IDE: variants seen among roughly 807,000 people sequenced by gnomAD.
IDE encodes the protein insulin degrading enzyme, also known as insulin-degrading enzyme.
Under a neutral mutation model 133.2 loss-of-function variants are expected in IDE, and 58 were observed. The ratio of observed to expected loss-of-function variants is 0.44; its 90% confidence interval spans 0.35 to 0.54. The LOEUF is 0.54. Ranked by LOEUF, IDE falls within the 20% of genes least tolerant of loss-of-function variation. The probability of loss-of-function intolerance (pLI) is 0.00; values close to 1 mark genes in which losing one functional copy is unlikely to be tolerated. For missense variants in IDE, 981 were observed against 1,234.0 expected, an observed-to-expected ratio of 0.79 and a Z score of 3.07; for synonymous variants, 396 against 421.3, an observed-to-expected ratio of 0.94 and a Z score of 0.73.
chr10:92,479,600 AGTGT>A, intron 14 of IDE, 179 bp from the exon 15 acceptor site: 3 of 536,182 alleles, frequency 5.6e-6, no homozygotes, highest in East Asian at 6.2e-5. Context: ...AGAAGCCTGA[AGTGT>A]GTGTGAGTGT....
At chr10:92,548,175 C>T (rs778799127) in intron 1 of IDE, among the ~76,000 whole-genome samples, 2 of 151,914 alleles carry the variant, frequency 1.3e-5, no homozygotes, top group Non-Finnish European at 2.9e-5. Flanking sequence ...GCCTGACCAA[C>T]GTCGAGAAAC....
chr10:92,468,970 C>T lies in IDE; in HGVS notation c.2229G>A (p.Gln743=). 4 of 1,603,616 alleles carry T rather than the reference C, an allele frequency of 2.5e-6. No homozygotes were observed. Among genetic ancestry groups the T allele is most frequent in the Non-Finnish European group, 3.4e-6 (4 of 1,170,442 alleles). The change falls in exon 19 of 25, where the codon CAG becomes CAA. Residue 743 remains glutamine (Q), a synonymous_variant. Coordinates refer to ENST00000265986, the MANE Select transcript of IDE (RefSeq NM_004969.4). ...ITKQAALGIM[Q]MVEDTLIEHA... ...GTTCAATGAGGGTGTCTTCAACCATCTGCATAATTCCTAATGCAGCCTATG... is the reference window on the plus strand; with the variant it reads ...GTTCAATGAGGGTGTCTTCAACCATTTGCATAATTCCTAATGCAGCCTATG...
At chr10:92,568,264 C>A (rs35616984) in intron 1 of IDE, among the ~76,000 whole-genome samples, 2 of 151,942 alleles carry the variant, frequency 1.3e-5, no homozygotes, top group Admixed American at 1.3e-4. Flanking sequence ...ATAGATTAGG[C>A]CTATCTTACA....
rs1180770844 is a variant in IDE, at chr10:92,461,918, C to T, written c.2762-666G>A. Among the ~76,000 whole-genome samples the T allele has an allele frequency of 4.6e-5, 7 of 152,174 alleles. No homozygotes were observed. The East Asian group carries it at 1.4e-3, about 30-fold the overall frequency. ...TCTCGATCTCCTAACTCGTGATCCG[C>T]CCGCCTCGCACTCCCAAAATGTTGG... On this transcript the variant is annotated intron_variant, in intron 21 of 24. Coordinates refer to ENST00000265986, the MANE Select transcript of IDE (RefSeq NM_004969.4).
chr10:92,568,869 G>T (rs1843669183), intron 1 of IDE, among the ~76,000 whole-genome samples: 1 of 151,970 alleles, frequency 6.6e-6, no homozygotes, highest in Admixed American at 6.6e-5. Context: ...GGGAGGAGCA[G>T]AGTTATAATT....
intron 18 of IDE, 149 bp downstream of exon 18, chr10:92,470,105 C>A (rs1027716678): frequency 1.0e-5 from 5 of 501,104 alleles, no homozygotes. Flanking sequence ...TTCCCTGTGC[C>A]CTCTACCTTC....
intron 1 of IDE, among the ~76,000 whole-genome samples, chr10:92,549,759 A>G (rs1002526055): frequency 2.0e-5 from 3 of 152,054 alleles, no homozygotes; most frequent in Non-Finnish European, 4.4e-5. Context: ...TATAGATCCT[A>G]TTAGTCCCAT....
chr10:92,523,870 C>G (rs1344468269), intron 4 of IDE, among the ~76,000 whole-genome samples: 1 of 151,984 alleles, frequency 6.6e-6, no homozygotes, highest in African/African-American at 2.4e-5. Flanking sequence ...GCTGAATAAA[C>G]CCAGTTGCTC....
intron 4 of IDE, among the ~76,000 whole-genome samples, chr10:92,529,562 C>T (rs1317806789): frequency 6.6e-6 from 1 of 152,124 alleles, no homozygotes; most frequent in South Asian, 2.1e-4. Context: ...TTCCTGAAAC[C>T]CTTCTATAGA....
chr10:92,495,216 C>CTT (rs71028822), intron 11 of IDE, among the ~76,000 whole-genome samples: 8 of 73,430 alleles, frequency 1.1e-4, no homozygotes, highest in Admixed American at 1.8e-4. Flanking sequence ...TCACACTCGG[C>CTT]TTTTTTTTTT....
intron 4 of IDE, 83 bp from the exon 5 acceptor site, chr10:92,515,125 A>G: frequency 9.3e-7 from 1 of 1,075,324 alleles, no homozygotes; most frequent in African/African-American, 1.6e-5. Flanking sequence ...GATATTGCTT[A>G]AGATGAACTT....
chr10:92,524,382 TA>T (rs1374833055), intron 4 of IDE, among the ~76,000 whole-genome samples: 2 of 87,040 alleles, frequency 2.3e-5, no homozygotes, highest in Non-Finnish European at 2.0e-5. Context: ...ATATTATATA[TA>T]ATATATTTTA....
At chr10:92,493,910 C>T (rs1400751332) in intron 11 of IDE, among the ~76,000 whole-genome samples, 1 of 152,016 alleles carries the variant, frequency 6.6e-6, no homozygotes, top group East Asian at 1.9e-4. Context: ...CATATAGATA[C>T]CTATGAACCA....
chr10:92,572,120 A>G (rs189585281), intron 1 of IDE, among the ~76,000 whole-genome samples: 3 of 152,360 alleles, frequency 2.0e-5, no homozygotes, highest in Admixed American at 1.3e-4. Flanking sequence ...ACCGGACTTT[A>G]TAACTACAGA....
At chr10:92,513,852 C>T (rs1480161425) in intron 5 of IDE, among the ~76,000 whole-genome samples, 2 of 151,912 alleles carry the variant, frequency 1.3e-5, no homozygotes, top group African/African-American at 2.4e-5. Flanking sequence ...AACAAAGTTT[C>T]TATTCTCAAG....
rs143044733 is a variant in IDE, at chr10:92,514,954, T to G, written c.750A>C (p.Ser250=). Residue 250 remains serine (S), a synonymous_variant, in exon 5 of 25, where the codon TCA becomes TCC. Transcript: ENST00000265986. ...ELLKFHSAYY[S]SNLMAVCVLG... ...AAACACAAACAGCCATTAAGTTGGA[T>G]GAATAGTAAGCAGAATGGAATTTCA... 7.4e-6 allele frequency: 12 copies of G among 1,612,924 alleles called. No homozygotes were observed. The African/African-American group carries it at 1.6e-4, about 22-fold the overall frequency.
intron 11 of IDE, among the ~76,000 whole-genome samples, chr10:92,501,541 G>T (rs778426947): frequency 2.7e-5 from 4 of 150,622 alleles, no homozygotes; most frequent in Non-Finnish European, 4.4e-5. Context: ...ATGGTGGCGC[G>T]TGCCTGTGGT....
chr10:92,517,466 G>A (rs985892558), intron 4 of IDE, among the ~76,000 whole-genome samples: 1 of 152,150 alleles, frequency 6.6e-6, no homozygotes. Context: ...AGACTGCAGT[G>A]GTGTAATCAC....
chr10:92,524,057 AG>A (rs1849375792), intron 4 of IDE, among the ~76,000 whole-genome samples: 1 of 151,850 alleles, frequency 6.6e-6, no homozygotes. Context: ...CTAGTTTATC[AG>A]GAACTATGAA....
Sources: allele counts gnomAD v4.1 joint callset (sites outside exome capture counted in the v4.1 genomes callset), GRCh38; gene constraint gnomAD v4.1.1; transcripts MANE v1.5; gene names NCBI Gene and HGNC (gene_info 2026-07-23, HGNC 2026-07-21).